Variants in SGCD observed in about 807,000 individuals in gnomAD.
SGCD encodes delta-sarcoglycan.
SGCD carries 18 observed loss-of-function variants against 36.6 expected under a neutral mutation model. That is an observed-to-expected ratio of 0.49 (90% CI 0.34 to 0.73). SGCD has a LOEUF of 0.73. SGCD is among the 30% of genes least tolerant of loss of function. The probability of loss-of-function intolerance (pLI) is 0.01; values close to 1 mark genes in which losing one functional copy is unlikely to be tolerated. For synonymous variants in SGCD, 133 were observed against 130.6 expected (o/e 1.02, Z -0.12); for missense variants, 387 against 346.7 (o/e 1.12, Z -0.92).
intron 6 of SGCD, among the ~76,000 whole-genome samples, chr5:156,622,625 G>A (rs1188609621): frequency 1.3e-5 from 2 of 151,820 alleles, no homozygotes; most frequent in Non-Finnish European, 2.9e-5. Flanking sequence ...AACAACCAAA[G>A]AAATGGGGAA....
chr5:156,188,559 A>G (rs1445397885), intron 3 of SGCD, among the ~76,000 whole-genome samples: 1 of 152,080 alleles, frequency 6.6e-6, no homozygotes, highest in Non-Finnish European at 1.5e-5. Flanking sequence ...GAAGCATGTT[A>G]CATGGGCCAT....
intron 4 of SGCD, among the ~76,000 whole-genome samples, chr5:156,567,840 G>A (rs142716122): frequency 1.8e-4 from 28 of 152,306 alleles, no homozygotes; most frequent in African/African-American, 5.1e-4. Context: ...TGGTCAGTCC[G>A]TGATGGATGC....
chr5:156,386,532 A>T (rs1199966561), intron 3 of SGCD, among the ~76,000 whole-genome samples: 1 of 152,270 alleles, frequency 6.6e-6, no homozygotes, highest in Admixed American at 6.5e-5. Flanking sequence ...GTGTTGTTTA[A>T]AAAGTCAGCT....
intron 3 of SGCD, among the ~76,000 whole-genome samples, chr5:156,185,457 G>A (rs557225806): frequency 3.0e-4 from 45 of 151,954 alleles, no homozygotes; most frequent in Middle Eastern, 3.4e-3. Flanking sequence ...CTTGTGATCC[G>A]CCCGCCTTGG....
intron 3 of SGCD, among the ~76,000 whole-genome samples, chr5:156,262,614 T>C (rs1765896392): frequency 6.6e-6 from 1 of 152,106 alleles, no homozygotes; most frequent in Non-Finnish European, 1.5e-5. Flanking sequence ...TGGTGATTTG[T>C]TAGATTTTGG....
chr5:156,646,327 C>T (rs1233572365), intron 6 of SGCD, among the ~76,000 whole-genome samples: 1 of 152,182 alleles, frequency 6.6e-6, no homozygotes, highest in Admixed American at 6.6e-5. Context: ...ATTCAGTGGG[C>T]ACCAGCTTAG....
intron 4 of SGCD, among the ~76,000 whole-genome samples, chr5:156,570,980 A>G (rs1266578074): frequency 2.0e-5 from 3 of 151,978 alleles, no homozygotes; most frequent in South Asian, 2.1e-4. Flanking sequence ...GATATTTTCT[A>G]TTCCTACTAT....
At chr5:156,112,653 G>A (rs192887028) in intron 1 of SGCD, among the ~76,000 whole-genome samples, 1 of 152,236 alleles carries the variant, frequency 6.6e-6, no homozygotes, top group African/African-American at 2.4e-5. Context: ...ATATATAGAG[G>A]TAATATTATG....
At chr5:156,538,395 G>T (rs896874581) in intron 4 of SGCD, among the ~76,000 whole-genome samples, 1 of 152,020 alleles carries the variant, frequency 6.6e-6, no homozygotes, top group African/African-American at 2.4e-5. Context: ...GGTCAAGAAT[G>T]ATTTTTTTTC....
At chr5:156,372,095 T>C (rs982245132) in intron 3 of SGCD, among the ~76,000 whole-genome samples, 2 of 152,194 alleles carry the variant, frequency 1.3e-5, no homozygotes, top group African/African-American at 2.4e-5. Flanking sequence ...TGAGGCAATG[T>C]AGGACATAAG....
intron 1 of SGCD, among the ~76,000 whole-genome samples, chr5:156,006,091 C>T (rs1374495792): frequency 6.6e-6 from 1 of 152,170 alleles, no homozygotes; most frequent in Non-Finnish European, 1.5e-5. Flanking sequence ...AGTTTGTAGG[C>T]ATTAGCCCTA....
intron 3 of SGCD, among the ~76,000 whole-genome samples, chr5:156,498,594 T>G (rs976582760): frequency 2.0e-5 from 3 of 152,256 alleles, no homozygotes; most frequent in Non-Finnish European, 4.4e-5. Context: ...AGCATGTACC[T>G]GTATTTCATT....
rs144768126 is a variant in SGCD, at chr5:156,042,873, C to A, written c.-281-75005C>A. Among the ~76,000 whole-genome samples the A allele has an allele frequency of 2.8e-4, 43 of 152,322 alleles. No individual in the cohort carries two copies. In the East Asian group the frequency reaches 8.1e-3, roughly 29 times the overall value. ...GTAATCATTTATATCTACACCTCAG[C>A]AGAACTGGGCTCTTCTCAGCCTCCT... On this transcript the variant is annotated intron_variant, in intron 1 of 9. Coordinates refer to the SGCD transcript ENST00000517913.
intron 3 of SGCD, among the ~76,000 whole-genome samples, chr5:156,422,852 T>G (rs1234370130): frequency 6.6e-6 from 1 of 152,046 alleles, no homozygotes; most frequent in Middle Eastern, 3.4e-3. Flanking sequence ...CTTGTCCCAG[T>G]TGAGAACCAC....
chr5:156,328,884 A>G (rs1330196659), intron 1 of SGCD, among the ~76,000 whole-genome samples: 1 of 152,086 alleles, frequency 6.6e-6, no homozygotes. Flanking sequence ...AAAAATGCCA[A>G]GACAGATTAG....
At chr5:155,951,889 G>T (rs1471964870) in intron 1 of SGCD, among the ~76,000 whole-genome samples, 1 of 152,110 alleles carries the variant, frequency 6.6e-6, no homozygotes, top group Admixed American at 6.6e-5. Context: ...ACCAGCAATG[G>T]TTAATGTACT....
At chr5:155,827,290 G>C in the SGCD span, among the ~76,000 whole-genome samples, 2 of 152,110 alleles carry the variant, frequency 1.3e-5, no homozygotes, top group Non-Finnish European at 2.9e-5. Flanking sequence ...TCAGGAGTGG[G>C]GACATCAGGG....
rs1757519580 is a variant in SGCD at position 156,762,675 on chromosome 5, C to T, written c.*3285C>T. ...TCCTGTAGTTAAAGTTTTATTGTCA[C>T]ATAGCCACATACATTCATTTACATG... On this transcript the variant is annotated 3_prime_UTR_variant, in exon 9 of 9. Transcript: ENST00000337851. The T allele has an allele frequency of 6.6e-6, 1 of 152,670 alleles. No individual in the cohort carries two copies. The highest frequency in any genetic ancestry group is 2.1e-4 in the South Asian group (1 of 4,830). 9.5% of individuals were successfully genotyped at this position (152,670 alleles called of 1,614,324 possible).
At chr5:156,087,343 G>GCTGGC (rs1273779265) in intron 1 of SGCD, among the ~76,000 whole-genome samples, 2 of 152,128 alleles carry the variant, frequency 1.3e-5, no homozygotes, top group African/African-American at 4.8e-5. Flanking sequence ...ACAGCCATTA[G>GCTGGC]AATATCTAGT....
Sources: gnomAD v4.1 joint callset for allele counts (sites outside exome capture counted in the v4.1 genomes callset) on GRCh38, gnomAD v4.1.1 for gene constraint, MANE v1.5 for transcripts, NCBI Gene and HGNC (gene_info 2026-07-23, HGNC 2026-07-21) for gene names.